Variants in STK3 observed in about 807,000 individuals in gnomAD.
STK3 encodes the protein serine/threonine kinase 3.
A neutral mutation model predicts 58.0 loss-of-function variants in STK3; 41 were observed. The observed-to-expected ratio is 0.71, with a 90% CI of 0.55 to 0.92. STK3 has a LOEUF of 0.92. Ranked by LOEUF, STK3 falls within the 40% of genes least tolerant of loss-of-function variation. The pLI is 0.00. For missense variants in STK3, 479 were observed against 602.7 expected, an observed-to-expected ratio of 0.79 and a Z score of 2.15; for synonymous variants, 170 against 191.0, an observed-to-expected ratio of 0.89 and a Z score of 0.91.
chr8:98,586,429 G>T (rs992599905), intron 7 of STK3, among the ~76,000 whole-genome samples: 2 of 150,602 alleles, frequency 1.3e-5, no homozygotes, highest in African/African-American at 2.5e-5. Flanking sequence ...AACCAGCCTT[G>T]CATCCCAGGG....
intron 1 of STK3, among the ~76,000 whole-genome samples, chr8:98,942,141 G>A (rs940022174): frequency 2.0e-5 from 3 of 152,226 alleles, no homozygotes; most frequent in Non-Finnish European, 2.9e-5. Context: ...CCTAGACGCC[G>A]GCCGGGACGA....
At chr8:98,585,308 A>C (rs1814426586) in intron 7 of STK3, among the ~76,000 whole-genome samples, 1 of 152,226 alleles carries the variant, frequency 6.6e-6, no homozygotes, top group African/African-American at 2.4e-5. Flanking sequence ...TCAGCCTTCT[A>C]CATATGACTA....
rs186564607 is a variant in STK3 at position 98,519,399 on chromosome 8, C to T, written c.1317+7343G>A. Among the ~76,000 whole-genome samples the T allele has an allele frequency of 1.2e-3, 179 of 152,150 alleles. 1 individual carries two copies. The highest frequency in any genetic ancestry group is 6.2e-3 in the Admixed American group (95 of 15,260). ...GCTTACTAAAGGGGTGGCCCTGCTC[C>T]TCTTTTTCGGGGCTACTCTAGTTTC... On this transcript the variant is annotated intron_variant, in intron 10 of 10. Coordinates refer to ENST00000419617, the MANE Select transcript of STK3 (RefSeq NM_006281.4).
chr8:98,817,488 A>C (rs1470414539), intron 1 of STK3, among the ~76,000 whole-genome samples: 1 of 151,616 alleles, frequency 6.6e-6, no homozygotes, highest in Non-Finnish European at 1.5e-5. Context: ...AGTGTGCATC[A>C]TTTCCTCCCT....
chr8:98,432,833 G>C (rs1036577181), intron 3 of STK3: 1 of 166,684 alleles, frequency 6.0e-6, no homozygotes, highest in Non-Finnish European at 1.5e-5. Context: ...TGCAAGCATT[G>C]ACACAGGCTG....
At chr8:98,819,415 TTTA>T (rs1834751662) in intron 1 of STK3, among the ~76,000 whole-genome samples, 1 of 152,134 alleles carries the variant, frequency 6.6e-6, no homozygotes, top group Non-Finnish European at 1.5e-5. Flanking sequence ...TATTGCAAAT[TTTA>T]TTGTCGCACT....
At chr8:98,938,305 T>C (rs1312829207) in intron 1 of STK3, among the ~76,000 whole-genome samples, 2 of 152,170 alleles carry the variant, frequency 1.3e-5, no homozygotes, top group Non-Finnish European at 2.9e-5. Flanking sequence ...GGCAGCTCTT[T>C]GGCCGAGGAG....
At chr8:98,794,976 G>A (rs1389566242) in intron 1 of STK3, among the ~76,000 whole-genome samples, 3 of 146,584 alleles carry the variant, frequency 2.0e-5, no homozygotes, top group East Asian at 2.1e-4. Context: ...CTTGAGGCAG[G>A]AGAATGGCTT....
chr8:98,435,731 A>G (rs548126402), intron 2 of STK3, among the ~76,000 whole-genome samples: 1 of 152,100 alleles, frequency 6.6e-6, no homozygotes, highest in East Asian at 1.9e-4. Flanking sequence ...GACAGGGAAT[A>G]CTCAGAGCCA....
intron 2 of STK3, among the ~76,000 whole-genome samples, chr8:98,773,730 A>G (rs1831470414): frequency 6.6e-6 from 1 of 152,082 alleles, no homozygotes; most frequent in African/African-American, 2.4e-5. Flanking sequence ...CATTTACTGA[A>G]AAGTACACTT....
intron 6 of STK3, among the ~76,000 whole-genome samples, chr8:98,700,783 G>A (rs1216903115): frequency 6.6e-6 from 1 of 152,054 alleles, no homozygotes; most frequent in Non-Finnish European, 1.5e-5. Context: ...TACTTCTCCT[G>A]CTGTCCACAG....
intron 10 of STK3, among the ~76,000 whole-genome samples, chr8:98,498,499 CATAAG>C (rs1563668084): frequency 2.0e-5 from 3 of 152,124 alleles, no homozygotes; most frequent in South Asian, 2.1e-4. Flanking sequence ...AAATTTTGTC[CATAAG>C]ATAAGTCACT....
chr8:98,476,245 G>A (rs1821301280), intron 10 of STK3, among the ~76,000 whole-genome samples: 1 of 152,184 alleles, frequency 6.6e-6, no homozygotes. Context: ...GCTGTGATTT[G>A]CTTACAGATA....
At chr8:98,366,190 A>G in the STK3 span, among the ~76,000 whole-genome samples, 5 of 152,204 alleles carry the variant, frequency 3.3e-5, no homozygotes, top group African/African-American at 4.8e-5. Context: ...ATAATGTGCA[A>G]TTGAATTTCC....
intron 7 of STK3, among the ~76,000 whole-genome samples, chr8:98,593,224 T>C (rs1284108089): frequency 6.6e-6 from 1 of 152,230 alleles, no homozygotes; most frequent in African/African-American, 2.4e-5. Context: ...TTTAATAATC[T>C]CAAAGGATCC....
intron 10 of STK3, among the ~76,000 whole-genome samples, chr8:98,505,205 G>A (rs953622639): frequency 1.2e-4 from 18 of 152,060 alleles, no homozygotes; most frequent in Non-Finnish European, 2.4e-4. Context: ...TTGTGCATGT[G>A]TCACGTAGTT....
intron 1 of STK3, chr8:98,778,764 G>C (rs1774970529): frequency 6.6e-6 from 1 of 152,094 alleles, no homozygotes; most frequent in South Asian, 2.1e-4. Flanking sequence ...ATCATTCTGA[G>C]CAAACTATCA....
downstream of STK3, among the ~76,000 whole-genome samples, chr8:98,452,881 C>G (rs369090990): frequency 1.1e-4 from 16 of 151,198 alleles, no homozygotes; most frequent in African/African-American, 3.9e-4. Context: ...CTCCCTTAGC[C>G]TCCCAAGTAG....
Position 98,713,357 on chromosome 8 carries a change from G to A in STK3, c.352-6046C>T, listed in dbSNP as rs555637473. 2.3e-4 allele frequency among the ~76,000 whole-genome samples: 35 copies of A among 152,078 alleles called. 1 individual carries two copies. The South Asian group carries it at 7.3e-3, about 32-fold the overall frequency. On this transcript the variant is annotated intron_variant, in intron 4 of 10. Transcript: ENST00000419617. Reference sequence around the variant, plus strand: ...TAATGAATCTAGGAACTGGTTTTTTGAAAAGAGCAACAAAATAGACCGCTA... The same window carrying A: ...TAATGAATCTAGGAACTGGTTTTTTAAAAAGAGCAACAAAATAGACCGCTA...
Sources: gnomAD v4.1 joint callset for allele counts (sites outside exome capture counted in the v4.1 genomes callset) on GRCh38, gnomAD v4.1.1 for gene constraint, MANE v1.5 for transcripts, NCBI Gene and HGNC (gene_info 2026-07-23, HGNC 2026-07-21) for gene names.